The following PCDHGA11 variants were observed in gnomAD, a reference collection of about 807,000 sequenced individuals.
PCDHGA11 encodes protocadherin gamma subfamily A, 11, also known as protocadherin gamma-A11.
Under a neutral mutation model 60.4 loss-of-function variants are expected in PCDHGA11, and 39 were observed. The observed-to-expected ratio is 0.65, with a 90% CI of 0.50 to 0.84. The LOEUF (loss-of-function observed/expected upper bound fraction) is 0.84, where lower values mean the gene tolerates loss of function less well. Ranked by LOEUF, PCDHGA11 falls within the 40% of genes least tolerant of loss-of-function variation. PCDHGA11 has a pLI of 0.00. For synonymous variants in PCDHGA11, 533 were observed against 510.3 expected, an observed-to-expected ratio of 1.04 and a Z score of -0.60; for missense variants, 1,165 against 1,197.7, an observed-to-expected ratio of 0.97 and a Z score of 0.40.
chr5:141,508,974 G>A (rs962653911), intron 3 of PCDHGA11, among the ~76,000 whole-genome samples: 2 of 152,128 alleles, frequency 1.3e-5, no homozygotes, highest in Non-Finnish European at 2.9e-5. Flanking sequence ...AAAGGGCTGG[G>A]GGTGGGGGCC....
chr5:141,441,036 A>G (rs2098219746), intron 1 of PCDHGA11: 1 of 152,216 alleles, frequency 6.6e-6, no homozygotes, highest in South Asian at 2.1e-4. Context: ...TGAAAACTTT[A>G]AGTACATTGG....
chr5:141,502,446 C>T (rs541278139), intron 2 of PCDHGA11, among the ~76,000 whole-genome samples: 1 of 152,098 alleles, frequency 6.6e-6, no homozygotes, highest in South Asian at 2.1e-4. Context: ...ATTCAGATTA[C>T]ACACCTTGGT....
In PCDHGA11 at chr5:141,511,070, G is replaced by A. The variant is rs1341623011; in HGVS notation, c.2705G>A (p.Gly902Asp). ...PDYRQNVYIP[G>D]SNATLTNAAG... ...TACCGCCAGAATGTCTACATCCCAG[G>A]CAGCAATGCCACACTGACCAACGCA... The change falls in exon 4 of 4, where the codon GGC (glycine) becomes GAC (aspartate). Residue 902 changes from glycine to aspartate, a missense_variant. Physicochemically the swap from Gly to Asp is moderately conservative, Grantham distance 94 (BLOSUM62 -1). Transcript: ENST00000398587. 2.5e-6 allele frequency: 4 copies of A among 1,614,218 alleles called. No homozygotes were observed. Among genetic ancestry groups the A allele is most frequent in the Admixed American group, 1.7e-5 (1 of 60,030 alleles).
At chr5:141,479,651 C>CAAA (rs931031810) in intron 1 of PCDHGA11, 2 of 152,124 alleles carry the variant, frequency 1.3e-5, no homozygotes, top group African/African-American at 2.4e-5. Flanking sequence ...ACAACAACAA[C>CAAA]AATCCCAGAA....
rs576983336 is a variant in PCDHGA11, at chr5:141,489,165, G to A, written c.2434-5642G>A. 5.8e-4 allele frequency: 625 copies of A among 1,082,080 alleles called. 8 individuals are homozygous for A. The South Asian group carries it at 7.9e-3, about 14-fold the overall frequency. The allele number at this position is 1,082,080 out of a possible 1,614,324, so 67.0% of individuals were successfully genotyped here. On this transcript the variant is annotated intron_variant, in intron 1 of 3. Transcript: ENST00000398587. The surrounding 1 kb of genome is among the most constrained non-coding windows in gnomAD (Gnocchi z 4.5). ...GAAGGAGACATAAGAGACTTCAGCT[G>A]CTGCATTCCAAGCCCTGGGTCTACC...
At chr5:141,450,829 ATT>A (rs373424450) in intron 1 of PCDHGA11, among the ~76,000 whole-genome samples, 3 of 135,116 alleles carry the variant, frequency 2.2e-5, no homozygotes, top group African/African-American at 2.7e-5. Flanking sequence ...TATTATTATT[ATT>A]TTTTTTTTTT....
Position 141,422,961 on chromosome 5 carries a change from G to A in PCDHGA11, c.1734G>A (p.Leu578=). ...CAGACGGCTCCACTGGCGTGGAGCT[G>A]GCGCCCCGCTCTGCGGAACCTGGCT... is the stretch of plus-strand genomic sequence containing the variant. ...LPTDGSTGVE[L]APRSAEPGYL... Residue 578 remains leucine (L), a synonymous_variant, in exon 1 of 4, where the codon CTG becomes CTA. Transcript: ENST00000398587. 1 of 1,614,234 alleles carries A rather than the reference G, an allele frequency of 6.2e-7. No individual in the cohort carries two copies. Among genetic ancestry groups the A allele is most frequent in the Non-Finnish European group, 8.5e-7 (1 of 1,180,038 alleles).
chr5:141,468,845 A>G (rs1426852752), intron 1 of PCDHGA11, among the ~76,000 whole-genome samples: 3 of 152,150 alleles, frequency 2.0e-5, no homozygotes, highest in Non-Finnish European at 2.9e-5. Flanking sequence ...CAGCCTGGGC[A>G]ACAGAGCGAG....
In PCDHGA11 at chr5:141,511,131, C is replaced by T; in HGVS notation, c.2766C>T (p.Gly922=). ...GGGATGGCAAGGCCCCAGCAGGTGG[C>T]AATGGCAACAAGAAGAAGTCGGGCA... is the stretch of plus-strand genomic sequence containing the variant. ...GKRDGKAPAG[G]NGNKKKSGKK... is the part of the protein sequence containing the mutation. The change falls in exon 4 of 4, where the codon GGC becomes GGT. Residue 922 remains glycine (G), a synonymous_variant. Coordinates refer to ENST00000398587, the MANE Select transcript of PCDHGA11 (RefSeq NM_018914.3). 2 of 1,614,202 alleles carry T rather than the reference C, an allele frequency of 1.2e-6. No homozygotes were observed. Among genetic ancestry groups the T allele is most frequent in the Non-Finnish European group, 1.7e-6 (2 of 1,180,020 alleles).
chr5:141,470,577 C>T (rs75062402), intron 1 of PCDHGA11, among the ~76,000 whole-genome samples: 8,307 of 152,270 alleles, frequency 0.055, 479 homozygotes, highest in African/African-American at 0.15. Flanking sequence ...GCAGGATCAA[C>T]TTCATAGGCA....
chr5:141,421,869 A>G lies in PCDHGA11; in HGVS notation c.642A>G (p.Thr214=), dbSNP rs200015978. 1.5e-5 allele frequency: 24 copies of G among 1,613,732 alleles called. No individual in the cohort carries two copies. The African/African-American group carries it at 3.1e-4, about 21-fold the overall frequency. ...AGGCTGCTCACCTGCTCCTCCTCAC[A>G]GCTTTAGATGGAGGCGATCCCATCC... ...EKEAAHLLLL[T]ALDGGDPIRK... Residue 214 remains threonine, a synonymous_variant, in exon 1 of 4, where the codon ACA becomes ACG. Transcript: ENST00000398587.
chr5:141,488,681 C>G, intron 1 of PCDHGA11, among the ~76,000 whole-genome samples: 1 of 152,204 alleles, frequency 6.6e-6, no homozygotes, highest in East Asian at 1.9e-4. Flanking sequence ...GGCTTTGCCT[C>G]TCCCAGAAGG....
intron 1 of PCDHGA11, chr5:141,424,694 T>C (rs2096834568): frequency 6.6e-6 from 1 of 152,252 alleles, no homozygotes; most frequent in East Asian, 1.9e-4. Flanking sequence ...TCTGGCTATT[T>C]TTTTGTTCAT....
At chr5:141,454,941 G>A (rs2098807517) in intron 1 of PCDHGA11, among the ~76,000 whole-genome samples, 1 of 150,970 alleles carries the variant, frequency 6.6e-6, no homozygotes, top group Non-Finnish European at 1.5e-5. Flanking sequence ...CCGAGTAGCT[G>A]GGACTACAGG....
chr5:141,453,540 A>G (rs890130466), intron 1 of PCDHGA11, among the ~76,000 whole-genome samples: 2 of 152,058 alleles, frequency 1.3e-5, no homozygotes, highest in Non-Finnish European at 2.9e-5. Context: ...CCTCATTCAC[A>G]CCACACTCTG....
intron 1 of PCDHGA11, chr5:141,426,732 C>T (rs576525011): frequency 2.7e-4 from 123 of 448,642 alleles, no homozygotes; most frequent in African/African-American, 2.2e-3. Context: ...TCCAGGCATT[C>T]GGTTTGGCCT....
rs926566427 is a variant in PCDHGA11, at chr5:141,505,127, A to T, written c.2493-266A>T. Among the ~76,000 whole-genome samples, 9 of 152,158 alleles carry T rather than the reference A, an allele frequency of 5.9e-5. No homozygotes were observed. The East Asian group carries it at 1.5e-3, about 26-fold the overall frequency. The stretch of plus-strand genomic sequence containing the variant: ...CAATGAGCCAAGATCGCGCCACTGC[A>T]CTCCAGCCTGGATGACAGAGTAAGA... On this transcript the variant is annotated intron_variant, in intron 2 of 3. Transcript: ENST00000398587.
chr5:141,478,382 C>A (rs1287807889), intron 1 of PCDHGA11: 2 of 1,613,552 alleles, frequency 1.2e-6, no homozygotes, highest in South Asian at 2.2e-5. Flanking sequence ...GTCGCCGCAC[C>A]TTTACCATCA....
chr5:141,452,358 T>C (rs2098739424), intron 1 of PCDHGA11, among the ~76,000 whole-genome samples: 1 of 152,236 alleles, frequency 6.6e-6, no homozygotes, highest in African/African-American at 2.4e-5. Context: ...CCAAAAGCCT[T>C]GCTTCATTTT....
Sources: gnomAD v4.1 joint callset for allele counts (sites outside exome capture counted in the v4.1 genomes callset) on GRCh38, gnomAD v4.1.1 for gene constraint, Gnocchi (gnomAD v3.1) non-coding constraint, MANE v1.5 for transcripts, NCBI Gene and HGNC (gene_info 2026-07-23, HGNC 2026-07-21) for gene names.